The following TRHDE variants were observed in gnomAD, a reference collection of about 807,000 sequenced individuals.
The protein encoded by TRHDE is thyrotropin-releasing hormone-degrading ectoenzyme.
Under a neutral mutation model 125.7 loss-of-function variants are expected in TRHDE, and 72 were observed. That is an observed-to-expected ratio of 0.57 (90% CI 0.47 to 0.70). TRHDE has a LOEUF of 0.70. Ranked by LOEUF, TRHDE falls within the 30% of genes least tolerant of loss-of-function variation. The pLI, the probability that TRHDE is intolerant of heterozygous loss-of-function variation, is 0.00. For synonymous variants in TRHDE, 509 were observed against 509.1 expected (o/e 1.00, Z 0.00); for missense variants, 1,110 against 1,327.1 (o/e 0.84, Z 2.54).
At chr12:72,107,816 C>T (rs1038394654) in intron 2 of TRHDE, among the ~76,000 whole-genome samples, 3 of 143,554 alleles carry the variant, frequency 2.1e-5, no homozygotes, top group Non-Finnish European at 3.0e-5. Flanking sequence ...CCTGTTTAGA[C>T]ATTTTTTGAA....
chr12:72,356,261 A>C (rs913256394), intron 2 of TRHDE, among the ~76,000 whole-genome samples: 1 of 151,766 alleles, frequency 6.6e-6, no homozygotes, highest in African/African-American at 2.4e-5. Flanking sequence ...GCTGGAGGCC[A>C]TCATCTTTAG....
At chr12:72,223,689 AAG>A (rs1878044919) in intron 2 of TRHDE, among the ~76,000 whole-genome samples, 1 of 152,112 alleles carries the variant, frequency 6.6e-6, no homozygotes, top group Non-Finnish European at 1.5e-5. Context: ...ATAGATTTAA[AAG>A]ATCTTAATTT....
At chr12:72,405,241 A>G (rs1873216201) in intron 3 of TRHDE, among the ~76,000 whole-genome samples, 1 of 152,206 alleles carries the variant, frequency 6.6e-6, no homozygotes, top group Non-Finnish European at 1.5e-5. Flanking sequence ...TGGGTGAGGG[A>G]ACAGATTATG....
chr12:72,154,683 G>A (rs1263381224), intron 2 of TRHDE, among the ~76,000 whole-genome samples: 1 of 152,164 alleles, frequency 6.6e-6, no homozygotes, highest in Non-Finnish European at 1.5e-5. Flanking sequence ...GAAATTCTGG[G>A]TTGAAAATTC....
intron 3 of TRHDE, among the ~76,000 whole-genome samples, chr12:72,414,521 C>T (rs1873648396): frequency 6.6e-6 from 1 of 152,182 alleles, no homozygotes; most frequent in East Asian, 1.9e-4. Flanking sequence ...TCAATAACAA[C>T]TCTGTCGAAT....
At chr12:72,640,333 G>T (rs113660489) in intron 15 of TRHDE, among the ~76,000 whole-genome samples, 1 of 152,196 alleles carries the variant, frequency 6.6e-6, no homozygotes, top group Non-Finnish European at 1.5e-5. Flanking sequence ...TGCGCTTCCC[G>T]AGTGAGGCAA....
intron 6 of TRHDE, among the ~76,000 whole-genome samples, chr12:72,530,274 T>G (rs948399735): frequency 2.6e-5 from 4 of 152,130 alleles, no homozygotes; most frequent in African/African-American, 9.7e-5. Context: ...TCTTATCATT[T>G]ACTCAAACTT....
intron 2 of TRHDE, among the ~76,000 whole-genome samples, chr12:72,218,727 A>T (rs1877944787): frequency 6.6e-6 from 1 of 152,056 alleles, no homozygotes; most frequent in Non-Finnish European, 1.5e-5. Flanking sequence ...CTCTGCCTTC[A>T]CATGGCCTTC....
chr12:72,621,609 T>C, intron 14 of TRHDE, 35 bp from the exon 15 acceptor site: 1 of 1,483,640 alleles, frequency 6.7e-7, no homozygotes. Context: ...TCCCTAACTT[T>C]CTTTTTAATT....
At chr12:72,501,998 T>C (rs1373450167) in intron 6 of TRHDE, among the ~76,000 whole-genome samples, 9 of 152,088 alleles carry the variant, frequency 5.9e-5, no homozygotes, top group African/African-American at 1.7e-4. Context: ...CTTTAATAAC[T>C]GCAGCATCTC....
intron 7 of TRHDE, among the ~76,000 whole-genome samples, chr12:72,551,477 A>C (rs1869669170): frequency 1.3e-5 from 2 of 152,186 alleles, no homozygotes; most frequent in Non-Finnish European, 2.9e-5. Flanking sequence ...ATAAGTGTTA[A>C]AAAGTCATTT....
rs773745615 is a variant in TRHDE, at chr12:72,225,215, G to A, written n.279+119463G>A. ...ATCATGTTGAATTACTCTGTTGGCT[G>A]TAGTTAGAGATGTAGTCTTGCAGAA... On this transcript the variant is annotated intron_variant and non_coding_transcript_variant, in intron 2 of 4. Transcript: ENST00000548156. Among the ~76,000 whole-genome samples, 9 of 152,156 alleles carry A rather than the reference G, an allele frequency of 5.9e-5. No individual in the cohort carries two copies. In the South Asian group the frequency reaches 1.7e-3, roughly 28 times the overall value.
chr12:72,564,728 C>T (rs902277843), intron 9 of TRHDE, among the ~76,000 whole-genome samples: 2 of 123,020 alleles, frequency 1.6e-5, no homozygotes, highest in Non-Finnish European at 3.2e-5. Flanking sequence ...AGTGCAGTGA[C>T]GCGATCTCGG....
chr12:72,147,687 C>G (rs1306485868), intron 2 of TRHDE: 1 of 152,220 alleles, frequency 6.6e-6, no homozygotes, highest in Non-Finnish European at 1.5e-5. Context: ...CAAGACTTCT[C>G]TCATCATTGA....
At chr12:72,274,253 G>A (rs901333622) in intron 1 of TRHDE, among the ~76,000 whole-genome samples, 3 of 152,230 alleles carry the variant, frequency 2.0e-5, no homozygotes, top group African/African-American at 7.2e-5. Flanking sequence ...GGGCGACTCC[G>A]GTTGTTTGTT....
At chr12:72,293,930 T>C (rs893228964) in intron 2 of TRHDE, among the ~76,000 whole-genome samples, 4 of 152,146 alleles carry the variant, frequency 2.6e-5, no homozygotes, top group Non-Finnish European at 1.5e-5. Flanking sequence ...CCAGCCACGG[T>C]GCACAATCAG....
In TRHDE at chr12:72,358,149, T is replaced by G. The variant is rs74498672; in HGVS notation, c.1189-19846T>G. Among the ~76,000 whole-genome samples the G allele has an allele frequency of 1.8e-3, 278 of 151,714 alleles. 4 individuals carry two copies. In the East Asian group the frequency reaches 0.047, roughly 25 times the overall value. ...CTTTACAACATGAATGGTTTAAAAT[T>G]ATCAGATGACCACTTTATTGAAGAG... is the stretch of plus-strand genomic sequence containing the variant. On this transcript the variant is annotated intron_variant, in intron 2 of 18. Transcript: ENST00000261180.
At chr12:72,390,734 A>G (rs1294522557) in intron 3 of TRHDE, among the ~76,000 whole-genome samples, 1 of 152,204 alleles carries the variant, frequency 6.6e-6, no homozygotes, top group Non-Finnish European at 1.5e-5. Context: ...ATCATTTCTA[A>G]GGATTAGGAA....
intron 6 of TRHDE, among the ~76,000 whole-genome samples, chr12:72,521,828 A>G (rs1394475132): frequency 6.6e-6 from 1 of 152,194 alleles, no homozygotes; most frequent in Admixed American, 6.5e-5. Context: ...GGAGCCGTTG[A>G]AACTATTTCA....
Sources: allele counts gnomAD v4.1 joint callset (sites outside exome capture counted in the v4.1 genomes callset), GRCh38; gene constraint gnomAD v4.1.1; transcripts MANE v1.5; gene names NCBI Gene and HGNC (gene_info 2026-07-23, HGNC 2026-07-21).